STAC: variants seen among roughly 807,000 people sequenced by gnomAD.
STAC encodes SH3 and cysteine-rich domain-containing protein.
STAC carries 43 observed loss-of-function variants against 48.8 expected under a neutral mutation model. That is an observed-to-expected ratio of 0.88 (90% CI 0.69 to 1.14). The LOEUF is 1.14. Ranked by LOEUF, STAC falls within the 50% of genes most tolerant of loss-of-function variation. STAC has a pLI of 0.00. For synonymous variants in STAC, 193 were observed against 179.5 expected (o/e 1.07, Z -0.60); for missense variants, 497 against 504.0 (o/e 0.99, Z 0.13).
intron 2 of STAC, among the ~76,000 whole-genome samples, chr3:36,470,419 C>T (rs1015168175): frequency 6.6e-6 from 1 of 152,198 alleles, no homozygotes; most frequent in Non-Finnish European, 1.5e-5. Context: ...TGACGTGATC[C>T]ATCTTCGGTC....
intron 6 of STAC, 102 bp downstream of exon 6, chr3:36,493,331 G>A (rs780887902): frequency 9.2e-7 from 1 of 1,086,326 alleles, no homozygotes; most frequent in Non-Finnish European, 1.4e-6. Flanking sequence ...TGCTAGCTCT[G>A]GAATTTAATC....
intron 6 of STAC, among the ~76,000 whole-genome samples, chr3:36,503,575 A>C (rs1241219848): frequency 6.6e-6 from 1 of 152,174 alleles, no homozygotes; most frequent in Non-Finnish European, 1.5e-5. Flanking sequence ...CTGGGATTAC[A>C]GGCACATGCC....
chr3:36,441,862 G>C (rs548389092), intron 1 of STAC, among the ~76,000 whole-genome samples: 15 of 152,232 alleles, frequency 9.9e-5, no homozygotes, highest in Non-Finnish European at 1.6e-4. Context: ...AAATATATTT[G>C]TCAGCCATTT....
chr3:36,547,898 A>G lies in STAC; in HGVS notation c.*1609A>G, dbSNP rs1699483893. 6.6e-6 allele frequency: 1 copy of G among 152,202 alleles called. No homozygotes were observed. The highest frequency in any genetic ancestry group is 2.4e-5 in the African/African-American group (1 of 41,444). 9.4% of individuals were successfully genotyped at this position (152,202 alleles called of 1,614,324 possible). ...GATTCTTTGAGAGCCAGGGTAGATC[A>G]TATGACTGCCTTTCTGTAAAATTGG... is the stretch of plus-strand genomic sequence containing the variant. On this transcript the variant is annotated 3_prime_UTR_variant, in exon 11 of 11. Transcript: ENST00000273183.
At chr3:36,454,123 C>A (rs1393491365) in intron 2 of STAC, among the ~76,000 whole-genome samples, 3 of 152,136 alleles carry the variant, frequency 2.0e-5, no homozygotes, top group African/African-American at 7.2e-5. Flanking sequence ...GCAGGCTGCC[C>A]TAGCCAGCAG....
chr3:36,454,339 A>G (rs1696788270), intron 2 of STAC, among the ~76,000 whole-genome samples: 1 of 152,030 alleles, frequency 6.6e-6, no homozygotes, highest in South Asian at 2.1e-4. Context: ...CGTCGCCTTA[A>G]GAGCTGTAAC....
At chr3:36,419,613 G>A (rs747378693) in intron 1 of STAC, among the ~76,000 whole-genome samples, 6 of 152,170 alleles carry the variant, frequency 3.9e-5, no homozygotes, top group Admixed American at 6.5e-5. Flanking sequence ...GGAATTCAAC[G>A]GGCTTGAAGA....
intron 1 of STAC, among the ~76,000 whole-genome samples, chr3:36,381,024 G>T (rs1041430979): frequency 6.6e-6 from 1 of 151,928 alleles, no homozygotes; most frequent in East Asian, 1.9e-4. Context: ...TGGTAGCTTG[G>T]TTTTTTTTGT....
chr3:36,423,968 G>C (rs979403300), intron 1 of STAC, among the ~76,000 whole-genome samples: 5 of 151,906 alleles, frequency 3.3e-5, no homozygotes, highest in African/African-American at 1.2e-4. Flanking sequence ...TTTCTCACAA[G>C]ACTGAGTTTA....
At chr3:36,459,799 G>A (rs1466374953) in intron 2 of STAC, among the ~76,000 whole-genome samples, 3 of 152,164 alleles carry the variant, frequency 2.0e-5, no homozygotes, top group African/African-American at 7.2e-5. Context: ...AAGAGGGGGA[G>A]AATAACTAAG....
rs71085123 is a variant in STAC, at chr3:36,398,559, GGGAAGGAAGGAA to G, written c.111+17835_111+17846del. Among the ~76,000 whole-genome samples the G allele has an allele frequency of 5.2e-3, 160 of 30,974 alleles. 11 individuals carry two copies. Among genetic ancestry groups the G allele is most frequent in the Non-Finnish European group, 7.7e-3 (133 of 17,238 alleles). The allele number at this position is 30,974 out of a possible 152,430, so 20.3% of individuals were successfully genotyped here. A position where few individuals can be genotyped will look rare whatever the true frequency, so the allele number is the denominator to read the frequency against. ...AAAGAGAGGTAAAGAGAAAGAGAGA[GGGAAGGAAGGAA>G]GGAAGGAAGGAAGGAAGGAAGGAAG... is the stretch of plus-strand genomic sequence containing the variant. On this transcript the variant is annotated intron_variant, in intron 1 of 10. Coordinates refer to ENST00000273183, the MANE Select transcript of STAC (RefSeq NM_003149.3).
In STAC at chr3:36,405,549, A is replaced by G. The variant is rs73828888; in HGVS notation, c.111+24795A>G. On this transcript the variant is annotated intron_variant, in intron 1 of 10. Transcript: ENST00000273183. ...CGCTTGGCAGTTACTCCATCCCCAGATACACAACTGATCGCTATTTAAAGA... is the reference window on the plus strand; with the variant it reads ...CGCTTGGCAGTTACTCCATCCCCAGGTACACAACTGATCGCTATTTAAAGA... Among the ~76,000 whole-genome samples, 617 of 152,202 alleles carry G rather than the reference A, an allele frequency of 4.1e-3. 5 individuals carry two copies. The highest frequency in any genetic ancestry group is 0.013 in the African/African-American group (543 of 41,522).
At chr3:36,470,655 C>G (rs1349629235) in intron 2 of STAC, among the ~76,000 whole-genome samples, 1 of 152,228 alleles carries the variant, frequency 6.6e-6, no homozygotes, top group Non-Finnish European at 1.5e-5. Context: ...ATTCTCTCAG[C>G]TTTCCTGGTA....
At chr3:36,398,332 A>AAAGC (rs766565613) in intron 1 of STAC, among the ~76,000 whole-genome samples, 3,873 of 129,844 alleles carry the variant, frequency 0.03, 119 homozygotes, top group Non-Finnish European at 0.04. Context: ...AGAAAGAAAG[A>AAAGC]AAGAAAGAAA....
At chr3:36,512,676 G>A (rs939712975) in intron 8 of STAC, among the ~76,000 whole-genome samples, 15 of 152,164 alleles carry the variant, frequency 9.9e-5, no homozygotes, top group Non-Finnish European at 1.5e-4. Flanking sequence ...GTCTGGTCAC[G>A]AATGAAACGT....
intron 2 of STAC, among the ~76,000 whole-genome samples, chr3:36,464,953 T>C (rs1697124792): frequency 6.6e-6 from 1 of 152,094 alleles, no homozygotes; most frequent in Admixed American, 6.6e-5. Context: ...CTTTTTCGTA[T>C]CATGACTTTT....
intron 2 of STAC, among the ~76,000 whole-genome samples, chr3:36,480,508 C>A (rs568219091): frequency 6.6e-6 from 1 of 152,192 alleles, no homozygotes; most frequent in Admixed American, 6.5e-5. Flanking sequence ...GGTTGCATGC[C>A]AGGTTCTTAC....
intron 2 of STAC, among the ~76,000 whole-genome samples, chr3:36,456,376 A>G (rs1196832575): frequency 6.6e-6 from 1 of 152,050 alleles, no homozygotes. Flanking sequence ...CTGAGTATCT[A>G]TTTTCTTATT....
chr3:36,484,706 T>C (rs1370767143), intron 3 of STAC, among the ~76,000 whole-genome samples: 1 of 152,186 alleles, frequency 6.6e-6, no homozygotes, highest in Admixed American at 6.5e-5. Flanking sequence ...GAGGCTGCAG[T>C]GCACTGCAGG....
Sources: allele counts gnomAD v4.1 joint callset (sites outside exome capture counted in the v4.1 genomes callset), GRCh38; gene constraint gnomAD v4.1.1; transcripts MANE v1.5; gene names NCBI Gene and HGNC (gene_info 2026-07-23, HGNC 2026-07-21).